Variants in NR4A1 observed in about 807,000 individuals in gnomAD.
NR4A1 encodes the protein nuclear receptor subfamily 4immunitygroup A member 1.
In NR4A1, 24 loss-of-function variants were observed where a neutral mutation model predicts 47.5. The ratio of observed to expected loss-of-function variants is 0.50; its 90% confidence interval spans 0.37 to 0.71. The LOEUF (loss-of-function observed/expected upper bound fraction) is 0.71, where lower values mean the gene tolerates loss of function less well. Among genes scored for constraint, NR4A1 ranks in the 30% least tolerant of loss-of-function variants. The probability of loss-of-function intolerance (pLI) is 0.00; values close to 1 mark genes in which losing one functional copy is unlikely to be tolerated. For missense variants in NR4A1, 669 were observed against 788.6 expected, an observed-to-expected ratio of 0.85 and a Z score of 1.82; for synonymous variants, 353 against 345.7, an observed-to-expected ratio of 1.02 and a Z score of -0.24.
intron 1 of NR4A1, among the ~76,000 whole-genome samples, chr12:52,026,505 C>T (rs547558272): frequency 5.3e-5 from 8 of 152,168 alleles, no homozygotes; most frequent in Non-Finnish European, 5.9e-5. Context: ...CATAAAAACT[C>T]ACTGGATCCT....
At position 52,055,070 on chromosome 12, in the gene NR4A1, A is replaced by G. The variant is rs1939186875; in HGVS notation, c.742A>G (p.Thr248Ala). Reference protein sequence around the residue: ...PHLEGSGILDTPVTSTKARSG... With the variant: ...PHLEGSGILDAPVTSTKARSG... Reference sequence around the variant, plus strand: ...CCTTGAGGGCTCGGGGATACTGGATACACCCGTGACCTCAACCAAGGCCCG... The same window carrying G: ...CCTTGAGGGCTCGGGGATACTGGATGCACCCGTGACCTCAACCAAGGCCCG... Residue 248 changes from threonine to alanine, a missense_variant, in exon 2 of 7, where the codon ACA becomes GCA. By Grantham distance (58) the Thr-to-Ala change is moderately conservative. Transcript: ENST00000394825. 1.9e-6 allele frequency: 3 copies of G among 1,614,210 alleles called. No homozygotes were observed. The highest frequency in any genetic ancestry group is 2.2e-5 in the South Asian group (2 of 91,088).
intron 1 of NR4A1, chr12:52,037,900 G>C (rs931226374): frequency 2.3e-5 from 23 of 979,574 alleles, no homozygotes; most frequent in Non-Finnish European, 2.8e-5. Context: ...TGTCTCCCAG[G>C]CGTGTTTTTT....
chr12:52,059,091 G>T lies in NR4A1; in HGVS notation c.*147G>T. The T allele has an allele frequency of 9.4e-7, 1 of 1,067,702 alleles. No individual in the cohort carries two copies. Among genetic ancestry groups the T allele is most frequent in the South Asian group, 1.7e-5 (1 of 60,116 alleles). The allele number at this position is 1,067,702 out of a possible 1,614,324, so 66.1% of individuals were successfully genotyped here. A position where few individuals can be genotyped will look rare whatever the true frequency, so the allele number is the denominator to read the frequency against. ...TCACCTGCTCCAGGAGGTTTGCAGG[G>T]AGCTCAAGCCCTTGGGGAGGGGGAT... On this transcript the variant is annotated 3_prime_UTR_variant, in exon 7 of 7. Transcript: ENST00000394825.
intron 1 of NR4A1, among the ~76,000 whole-genome samples, chr12:52,039,483 G>C (rs1268517449): frequency 6.6e-6 from 1 of 152,238 alleles, no homozygotes; most frequent in Non-Finnish European, 1.5e-5. Flanking sequence ...TCAGGGATGT[G>C]ATTCAACATA....
At chr12:52,034,471 C>A (rs2120934990) in intron 1 of NR4A1, among the ~76,000 whole-genome samples, 1 of 152,374 alleles carries the variant, frequency 6.6e-6, no homozygotes, top group Middle Eastern at 3.4e-3. Context: ...CTGGGCCATG[C>A]ACGTTGTTCA....
chr12:52,042,223 AGCATGTGCCT>A (rs1938467230), intron 2 of NR4A1, among the ~76,000 whole-genome samples: 1 of 152,142 alleles, frequency 6.6e-6, no homozygotes, highest in African/African-American at 2.4e-5. Flanking sequence ...CTCCCAAGGC[AGCATGTGCCT>A]GATTCCAGGA....
intron 1 of NR4A1, among the ~76,000 whole-genome samples, chr12:52,040,510 C>T (rs1938393617): frequency 1.3e-5 from 2 of 152,048 alleles, no homozygotes; most frequent in South Asian, 4.1e-4. Context: ...CAGGTGTAGT[C>T]CATGGGCCGG....
intron 1 of NR4A1, among the ~76,000 whole-genome samples, chr12:52,032,889 C>T (rs1443562115): frequency 6.6e-6 from 1 of 152,126 alleles, no homozygotes; most frequent in African/African-American, 2.4e-5. Flanking sequence ...GGATGGCGAG[C>T]CCCCAAACCA....
intron 4 of NR4A1, 57 bp downstream of exon 4, chr12:52,056,702 T>G (rs543802057): frequency 2.5e-4 from 374 of 1,492,876 alleles, no homozygotes; most frequent in Non-Finnish European, 3.2e-4. Flanking sequence ...GCAGTGCCTT[T>G]GTGCGTGTTA....
intron 1 of NR4A1, among the ~76,000 whole-genome samples, chr12:52,031,958 A>C (rs1177003112): frequency 6.6e-6 from 1 of 151,830 alleles, no homozygotes; most frequent in Non-Finnish European, 1.5e-5. Context: ...CACCACGCCC[A>C]GCTAATTTTG....
At chr12:52,035,828 A>G (rs1276275854) in intron 1 of NR4A1, among the ~76,000 whole-genome samples, 1 of 151,946 alleles carries the variant, frequency 6.6e-6, no homozygotes, top group Admixed American at 6.6e-5. Flanking sequence ...TGGGGTGGAG[A>G]GAGGAATGCA....
upstream of NR4A1, among the ~76,000 whole-genome samples, chr12:52,048,453 G>GT (rs1938761038): frequency 1.3e-5 from 2 of 151,998 alleles, no homozygotes; most frequent in South Asian, 4.2e-4. Context: ...AAATTAGCTG[G>GT]CGTGGTGGCA....
chr12:52,042,657 C>G (rs930842346), intron 2 of NR4A1, among the ~76,000 whole-genome samples: 2 of 152,180 alleles, frequency 1.3e-5, no homozygotes, highest in African/African-American at 4.8e-5. Flanking sequence ...CCTGGTCTGA[C>G]TGTGGAAGAC....
chr12:52,028,995 TC>T (rs1358924484), intron 1 of NR4A1, among the ~76,000 whole-genome samples: 1 of 152,200 alleles, frequency 6.6e-6, no homozygotes, highest in Non-Finnish European at 1.5e-5. Flanking sequence ...TCTCTAGTAT[TC>T]CCCAAATCCT....
At position 52,057,479 on chromosome 12, in the gene NR4A1, C is replaced by G. The variant is rs1048800073; in HGVS notation, c.1489C>G (p.Leu497Val). 6.2e-7 allele frequency: 1 copy of G among 1,614,088 alleles called. No individual in the cohort carries two copies. Among genetic ancestry groups the G allele is most frequent in the African/African-American group, 1.3e-5 (1 of 74,934 alleles). ...CTTCTCAAGGTCCCTGCACAGCTTG[C>G]TTGTCGATGTCCCTGCCTTCGCCTG... ...LAFSRSLHSL[L>V]VDVPAFACLS... The change falls in exon 6 of 7, where the codon CTT becomes GTT. Residue 497 changes from leucine (L) to valine (V), a missense_variant. Coordinates refer to ENST00000394825, the MANE Select transcript of NR4A1 (RefSeq NM_173157.3).
chr12:52,031,940 G>GCA (rs1316175902), intron 1 of NR4A1, among the ~76,000 whole-genome samples: 17 of 152,138 alleles, frequency 1.1e-4, no homozygotes, highest in African/African-American at 3.6e-4. Context: ...GGGATTACAG[G>GCA]TGCCCGCCAC....
intron 1 of NR4A1, 102 bp downstream of exon 1, chr12:52,051,670 G>C (rs1938957151): frequency 1.3e-6 from 1 of 778,286 alleles, no homozygotes; most frequent in Non-Finnish European, 1.6e-6. Context: ...CGGCATGCAA[G>C]AGGGTAGGTG....
At chr12:52,037,919 TTTTG>T in intron 1 of NR4A1, 1 of 982,992 alleles carries the variant, frequency 1.0e-6, no homozygotes, top group Non-Finnish European at 1.2e-6. Flanking sequence ...TTTGTTGTTG[TTTTG>T]TTTTTTTGCC....
chr12:52,037,383 C>A (rs1938274286), intron 1 of NR4A1: 2 of 985,694 alleles, frequency 2.0e-6, no homozygotes, highest in Non-Finnish European at 2.4e-6. Context: ...CAGCTCAGGG[C>A]CGGCTGGTGC....
Sources: gnomAD v4.1 joint callset for allele counts (sites outside exome capture counted in the v4.1 genomes callset) on GRCh38, gnomAD v4.1.1 for gene constraint, MANE v1.5 for transcripts, NCBI Gene and HGNC (gene_info 2026-07-23, HGNC 2026-07-21) for gene names.